KCNIP4: variants seen among roughly 807,000 people sequenced by gnomAD.
The protein encoded by KCNIP4 is potassium voltage-gated channel interacting protein 4, also known as Kv channel-interacting protein 4.
KCNIP4 carries 12 observed loss-of-function variants against 34.0 expected under a neutral mutation model. The observed-to-expected ratio is 0.35, with a 90% CI of 0.23 to 0.57. The LOEUF (loss-of-function observed/expected upper bound fraction) is 0.57. Among genes scored for constraint, KCNIP4 ranks in the 20% least tolerant of loss-of-function variants. The pLI is 0.83. For missense variants in KCNIP4, 238 were observed against 311.7 expected, an observed-to-expected ratio of 0.76 and a Z score of 1.78; for synonymous variants, 124 against 102.2, an observed-to-expected ratio of 1.21 and a Z score of -1.29.
intron 1 of KCNIP4, among the ~76,000 whole-genome samples, chr4:21,471,232 A>T (rs566800590): frequency 2.0e-5 from 3 of 152,086 alleles, no homozygotes; most frequent in African/African-American, 7.2e-5. Flanking sequence ...TTGAGGAAAA[A>T]CTTTTGCCCT....
rs556838783 is a variant in KCNIP4, at chr4:20,865,163, C to A, written c.164-14496G>T. The stretch of plus-strand genomic sequence containing the variant: ...ACTGATGAAGGACATAGAAATAGGA[C>A]GTTATGGAGTCAGGACTTAAACCCA... On this transcript the variant is annotated intron_variant, in intron 2 of 8. Transcript: ENST00000382152. Among the ~76,000 whole-genome samples, 4 of 151,950 alleles carry A rather than the reference C, an allele frequency of 2.6e-5. No individual in the cohort carries two copies. The South Asian group carries it at 8.3e-4, about 32-fold the overall frequency.
At chr4:21,014,045 G>T (rs555893613) in intron 1 of KCNIP4, among the ~76,000 whole-genome samples, 1 of 152,170 alleles carries the variant, frequency 6.6e-6, no homozygotes, top group South Asian at 2.1e-4. Context: ...TTCTCTATAT[G>T]AGCTCATCCA....
chr4:21,570,979 C>A (rs376617), intron 1 of KCNIP4, among the ~76,000 whole-genome samples: 10,847 of 152,096 alleles, frequency 0.071, 417 homozygotes, highest in Non-Finnish European at 0.089. Context: ...CAAGTCTGAC[C>A]CTAGATTTCT....
At chr4:20,852,978 CACAA>C (rs1415460123) in intron 2 of KCNIP4, among the ~76,000 whole-genome samples, 2 of 152,122 alleles carry the variant, frequency 1.3e-5, no homozygotes, top group Non-Finnish European at 2.9e-5. Flanking sequence ...CCATAAGTGA[CACAA>C]ACAAATGGAA....
rs367768190 is a variant in KCNIP4 at position 21,483,230 on chromosome 4, A to AAAAT, written c.61+465340_61+465341insATTT. On this transcript the variant is annotated intron_variant, in intron 1 of 8. Transcript: ENST00000382152. ...ACCCTACAACTTAAAGTATAATTTA[A>AAAAT]ATATATATATATATAAAGAAATAAA... Among the ~76,000 whole-genome samples the AAAAT allele has an allele frequency of 2.6e-4, 39 of 150,446 alleles. 1 individual carries two copies. The highest frequency in any genetic ancestry group is 8.9e-5 in the Non-Finnish European group (6 of 67,654).
chr4:20,999,345 A>T (rs1230604845), intron 1 of KCNIP4, among the ~76,000 whole-genome samples: 4 of 151,764 alleles, frequency 2.6e-5, no homozygotes. Context: ...AGGGCTATTA[A>T]CGTAAACAGG....
chr4:21,487,399 T>C (rs1732012424), intron 1 of KCNIP4, among the ~76,000 whole-genome samples: 1 of 152,176 alleles, frequency 6.6e-6, no homozygotes, highest in Admixed American at 6.6e-5. Flanking sequence ...TCCCATCATG[T>C]CAAGGACACA....
chr4:21,110,300 G>A (rs577796085), intron 1 of KCNIP4, among the ~76,000 whole-genome samples: 13 of 152,270 alleles, frequency 8.5e-5, no homozygotes, highest in African/African-American at 3.1e-4. Flanking sequence ...TACTTCACTT[G>A]CTAGAGGCTA....
rs147464286 is a variant in KCNIP4, at chr4:21,799,429, A to T, written c.61+149142T>A. ...CTTCTCCAAGTGCTAATCCTGGCTTACTGTATTAGCTTTCGTAATCTTTGA... is the reference window on the plus strand; with the variant it reads ...CTTCTCCAAGTGCTAATCCTGGCTTTCTGTATTAGCTTTCGTAATCTTTGA... On this transcript the variant is annotated intron_variant, in intron 1 of 8. Coordinates refer to ENST00000382152, the MANE Select transcript of KCNIP4 (RefSeq NM_025221.6). Among the ~76,000 whole-genome samples the T allele has an allele frequency of 2.2e-3, 328 of 152,326 alleles. 2 individuals carry two copies. Among genetic ancestry groups the T allele is most frequent in the African/African-American group, 7.7e-3 (321 of 41,584 alleles).
intron 1 of KCNIP4, among the ~76,000 whole-genome samples, chr4:21,048,739 T>C (rs1214895621): frequency 6.6e-6 from 1 of 152,136 alleles, no homozygotes; most frequent in Non-Finnish European, 1.5e-5. Context: ...GAATTTATGA[T>C]AACTGTGACC....
chr4:20,784,661 T>C (rs1300718930), intron 3 of KCNIP4, among the ~76,000 whole-genome samples: 1 of 152,136 alleles, frequency 6.6e-6, no homozygotes, highest in African/African-American at 2.4e-5. Flanking sequence ...CAAATGATCA[T>C]TTATTCCATA....
At chr4:21,176,290 G>C (rs1204551247) in intron 1 of KCNIP4, among the ~76,000 whole-genome samples, 1 of 152,138 alleles carries the variant, frequency 6.6e-6, no homozygotes, top group Non-Finnish European at 1.5e-5. Context: ...CTAGATTCCT[G>C]TCTCACAGTT....
chr4:20,893,139 G>A (rs1227949032), intron 1 of KCNIP4, among the ~76,000 whole-genome samples: 1 of 152,172 alleles, frequency 6.6e-6, no homozygotes, highest in Non-Finnish European at 1.5e-5. Flanking sequence ...AGTATGGTCT[G>A]TTCCACAGAC....
intron 1 of KCNIP4, among the ~76,000 whole-genome samples, chr4:21,356,721 C>T (rs539159961): frequency 2.8e-4 from 43 of 152,198 alleles, no homozygotes; most frequent in Admixed American, 2.7e-3. Context: ...GAATCAATAT[C>T]GTGAAAATGG....
intron 1 of KCNIP4, among the ~76,000 whole-genome samples, chr4:20,928,393 C>T (rs772114086): frequency 6.6e-6 from 1 of 151,408 alleles, no homozygotes; most frequent in African/African-American, 2.4e-5. Context: ...TAAAGAAAAA[C>T]TCAAAAGGGA....
chr4:21,383,860 C>A (rs1359139979), intron 1 of KCNIP4, among the ~76,000 whole-genome samples: 2 of 152,056 alleles, frequency 1.3e-5, no homozygotes, highest in Non-Finnish European at 2.9e-5. Context: ...ACCAAATAAG[C>A]AAATACATAG....
chr4:21,509,472 A>AT (rs1421963214), intron 1 of KCNIP4, among the ~76,000 whole-genome samples: 7 of 152,162 alleles, frequency 4.6e-5, no homozygotes, highest in African/African-American at 1.7e-4. Flanking sequence ...AAAGATTAAC[A>AT]TTTATCAAAG....
At chr4:20,865,615 G>A (rs773236937) in intron 2 of KCNIP4, among the ~76,000 whole-genome samples, 1 of 151,820 alleles carries the variant, frequency 6.6e-6, no homozygotes, top group African/African-American at 2.4e-5. Context: ...CGCAGAGAAA[G>A]AAAAATATTG....
At chr4:21,890,126 C>T (rs971011029) in intron 1 of KCNIP4, among the ~76,000 whole-genome samples, 4 of 152,082 alleles carry the variant, frequency 2.6e-5, no homozygotes, top group Non-Finnish European at 4.4e-5. Context: ...TAAATGAAGA[C>T]CTGTCTTAAT....
Sources: gnomAD v4.1 joint callset for allele counts (sites outside exome capture counted in the v4.1 genomes callset) on GRCh38, gnomAD v4.1.1 for gene constraint, MANE v1.5 for transcripts, NCBI Gene and HGNC (gene_info 2026-07-23, HGNC 2026-07-21) for gene names.